Variants in EBF1 observed in about 807,000 individuals in gnomAD.
The protein encoded by EBF1 is EBF transcription factor 1.
In EBF1, 10 loss-of-function variants were observed where a neutral mutation model predicts 68.4. That is an observed-to-expected ratio of 0.15 (90% CI 0.09 to 0.25). The LOEUF is 0.25. Among genes scored for constraint, EBF1 ranks in the 10% least tolerant of loss-of-function variants. The probability of loss-of-function intolerance (pLI) is 1.00; values close to 1 mark genes in which losing one functional copy is unlikely to be tolerated. For synonymous variants in EBF1, 298 were observed against 299.8 expected (o/e 0.99, Z 0.06); for missense variants, 509 against 794.4 (o/e 0.64, Z 4.32).
chr5:159,052,618 G>C (rs1773989721), intron 6 of EBF1, among the ~76,000 whole-genome samples: 1 of 152,160 alleles, frequency 6.6e-6, no homozygotes, highest in African/African-American at 2.4e-5. Context: ...TCCTGCCTAG[G>C]TCAGCCATTC....
intron 6 of EBF1, among the ~76,000 whole-genome samples, chr5:158,969,767 T>C (rs2127556904): frequency 6.9e-6 from 1 of 145,130 alleles, no homozygotes; most frequent in East Asian, 2.0e-4. Context: ...AGAGTGAGAC[T>C]CTGGAAAGAA....
intron 10 of EBF1, among the ~76,000 whole-genome samples, chr5:158,765,772 T>C (rs1383893816): frequency 6.6e-6 from 1 of 152,176 alleles, no homozygotes; most frequent in Non-Finnish European, 1.5e-5. Flanking sequence ...TGGGATGGTT[T>C]CCACCTGCAC....
intron 9 of EBF1, among the ~76,000 whole-genome samples, chr5:158,785,469 G>A (rs371322946): frequency 4.6e-5 from 7 of 152,272 alleles, no homozygotes; most frequent in Non-Finnish European, 7.4e-5. Flanking sequence ...TCCTTGGTGT[G>A]TTTTGGTTTG....
chr5:158,771,150 A>G (rs1401112329), intron 10 of EBF1, among the ~76,000 whole-genome samples: 1 of 152,172 alleles, frequency 6.6e-6, no homozygotes, highest in Non-Finnish European at 1.5e-5. Context: ...AAGCTGACAC[A>G]TACATAACAT....
chr5:158,799,206 T>A (rs938063731), intron 8 of EBF1, among the ~76,000 whole-genome samples: 3 of 152,012 alleles, frequency 2.0e-5, no homozygotes, highest in Non-Finnish European at 4.4e-5. Flanking sequence ...GGTGAAAGGA[T>A]CTCTTGTGGT....
At chr5:158,865,463 T>C (rs1295803653) in intron 6 of EBF1, among the ~76,000 whole-genome samples, 2 of 152,180 alleles carry the variant, frequency 1.3e-5, no homozygotes, top group African/African-American at 2.4e-5. Context: ...AGTAAGAATA[T>C]ATATGAAGTT....
At chr5:158,946,872 G>A (rs1228120802) in intron 6 of EBF1, among the ~76,000 whole-genome samples, 1 of 152,204 alleles carries the variant, frequency 6.6e-6, no homozygotes, top group African/African-American at 2.4e-5. Context: ...CTTTCTTTCA[G>A]AGGTGCCCTG....
intron 14 of EBF1, among the ~76,000 whole-genome samples, chr5:158,708,766 C>T (rs1244338322): frequency 1.3e-5 from 2 of 152,204 alleles, no homozygotes; most frequent in Non-Finnish European, 2.9e-5. Flanking sequence ...AAGAAGCCAG[C>T]TTGAGAGGAT....
chr5:159,095,263 G>A (rs1011189420), intron 4 of EBF1, among the ~76,000 whole-genome samples: 20 of 152,020 alleles, frequency 1.3e-4, no homozygotes, highest in African/African-American at 4.8e-4. Flanking sequence ...GGCTTGCTTG[G>A]GTTTCAAAGG....
At chr5:158,771,681 A>AATG (rs1345125199) in intron 10 of EBF1, among the ~76,000 whole-genome samples, 2 of 152,162 alleles carry the variant, frequency 1.3e-5, no homozygotes, top group Non-Finnish European at 2.9e-5. Context: ...AAAGGAAGTG[A>AATG]ATGATGAATG....
intron 6 of EBF1, among the ~76,000 whole-genome samples, chr5:159,067,569 G>A (rs1213212844): frequency 6.6e-6 from 1 of 152,088 alleles, no homozygotes; most frequent in Admixed American, 6.6e-5. Context: ...TGTGTATTTG[G>A]GAATAGCTGA....
chr5:158,793,285 T>C (rs1386985025), intron 9 of EBF1, among the ~76,000 whole-genome samples: 1 of 152,196 alleles, frequency 6.6e-6, no homozygotes, highest in East Asian at 1.9e-4. Flanking sequence ...TGTAGCTTTT[T>C]CTTAGATGTC....
chr5:159,002,663 T>C (rs969363270), intron 6 of EBF1, among the ~76,000 whole-genome samples: 2 of 152,190 alleles, frequency 1.3e-5, no homozygotes, highest in Non-Finnish European at 2.9e-5. Context: ...GACATAGTTT[T>C]TATATATATA....
chr5:158,860,423 G>GA (rs1794766511), intron 6 of EBF1, among the ~76,000 whole-genome samples: 1 of 152,178 alleles, frequency 6.6e-6, no homozygotes, highest in Non-Finnish European at 1.5e-5. Context: ...TATGTGTGAA[G>GA]AACGCCTACT....
At chr5:159,024,347 C>T (rs1225254684) in intron 6 of EBF1, among the ~76,000 whole-genome samples, 1 of 152,222 alleles carries the variant, frequency 6.6e-6, no homozygotes, top group African/African-American at 2.4e-5. Flanking sequence ...GCTTAGTCAA[C>T]ACATCTACCA....
intron 10 of EBF1, among the ~76,000 whole-genome samples, chr5:158,748,587 G>A (rs979366975): frequency 6.6e-6 from 1 of 152,122 alleles, no homozygotes; most frequent in Non-Finnish European, 1.5e-5. Context: ...CATTCTCAGG[G>A]CTGTGCTTAG....
chr5:158,868,526 T>C (rs1306450173), intron 6 of EBF1, among the ~76,000 whole-genome samples: 3 of 152,176 alleles, frequency 2.0e-5, no homozygotes, highest in Non-Finnish European at 2.9e-5. Context: ...ACCCTTCACG[T>C]CCCCTAATAC....
intron 6 of EBF1, among the ~76,000 whole-genome samples, chr5:158,908,545 T>C (rs1805171552): frequency 6.6e-6 from 1 of 152,172 alleles, no homozygotes; most frequent in Non-Finnish European, 1.5e-5. Context: ...TTAACCACTC[T>C]AGGTTTTAGA....
intron 15 of EBF1, among the ~76,000 whole-genome samples, chr5:158,706,976 AC>A (rs536042448): frequency 8.0e-4 from 122 of 152,252 alleles, no homozygotes; most frequent in African/African-American, 2.8e-3. Context: ...TTATCTCCCT[AC>A]CAGCTGCCTT....
Sources: gnomAD v4.1 joint callset for allele counts (sites outside exome capture counted in the v4.1 genomes callset) on GRCh38, gnomAD v4.1.1 for gene constraint, MANE v1.5 for transcripts, NCBI Gene and HGNC (gene_info 2026-07-23, HGNC 2026-07-21) for gene names.